The following NRL variants were observed in gnomAD, a reference collection of about 807,000 sequenced individuals.
NRL encodes neural retina-specific leucine zipper protein.
Under a neutral mutation model 12.5 loss-of-function variants are expected in NRL, and 16 were observed. The observed-to-expected ratio is 1.28, with a 90% CI of 0.87 to 1.95. The LOEUF is 1.95. Among genes scored for constraint, NRL ranks in the 30% most tolerant of loss-of-function variants. NRL has a pLI of 0.00. For missense variants in NRL, 314 were observed against 325.8 expected, an observed-to-expected ratio of 0.96 and a Z score of 0.28; for synonymous variants, 142 against 150.9, an observed-to-expected ratio of 0.94 and a Z score of 0.43.
intron 1 of NRL, among the ~76,000 whole-genome samples, chr14:24,087,183 C>T (rs970974847): frequency 2.6e-5 from 4 of 152,070 alleles, no homozygotes; most frequent in Admixed American, 2.0e-4. Flanking sequence ...GATGTAGGCA[C>T]ATGGACGAGA....
Position 24,100,040 on chromosome 14 carries a change from C to T in NRL, c.-28+14682G>A, listed in dbSNP as rs200733907. The T allele has an allele frequency of 1.6e-5, 26 of 1,613,770 alleles. No homozygotes were observed. In the African/African-American group the frequency reaches 2.5e-4, roughly 16 times the overall value. On this transcript the variant is annotated intron_variant, in intron 1 of 2. Coordinates refer to ENST00000561028, the MANE Select transcript of NRL (RefSeq NM_001354768.3). ...CCTGAGAACGGCTTCTTTGGGGTTG[C>T]CCCTGGTACCTCTGCCACCACCAAT... is the stretch of plus-strand genomic sequence containing the variant.
intron 1 of NRL, chr14:24,098,407 A>G: frequency 1.2e-6 from 2 of 1,610,832 alleles, no homozygotes; most frequent in South Asian, 1.1e-5. Context: ...GCAGGGGCAC[A>G]GTGGCAAGGG....
chr14:24,094,563 G>A lies in NRL; in HGVS notation c.-27-11688C>T, dbSNP rs192834226. 8 of 1,440,634 alleles carry A rather than the reference G, an allele frequency of 5.6e-6. No individual in the cohort carries two copies. Among genetic ancestry groups the A allele is most frequent in the African/African-American group, 4.3e-5 (3 of 69,686 alleles). 89.2% of individuals were successfully genotyped at this position (1,440,634 alleles called of 1,614,324 possible). ...ATCCTAGGCGGAGGCGGGCAGGGGC[G>A]ACTGCTGTGGGTCCAGCCTCCCGCG... On this transcript the variant is annotated intron_variant, in intron 1 of 2. Coordinates refer to ENST00000561028, the MANE Select transcript of NRL (RefSeq NM_001354768.3). The surrounding 1 kb of genome is among the most constrained non-coding windows in gnomAD (Gnocchi z 4.1).
intron 1 of NRL, chr14:24,099,230 C>T: frequency 6.3e-7 from 1 of 1,593,082 alleles, no homozygotes; most frequent in Non-Finnish European, 8.5e-7. Context: ...TGGCAGAGCA[C>T]ATGCTGGTGA....
In NRL at chr14:24,079,278, T is replaced by G. The variant is rs2036207004; in HGVS notation, c.*1958A>C. ...TGAGAAAAGTGAACAAGAAAAGTAG[T>G]GGGTCTGAATTACAGCTCCAGGGCA... On this transcript the variant is annotated 3_prime_UTR_variant, in exon 3 of 3. Transcript: ENST00000561028. 6.6e-6 allele frequency among the ~76,000 whole-genome samples: 1 copy of G among 152,194 alleles called. No homozygotes were observed.
chr14:24,094,664 C>G lies in NRL; in HGVS notation c.-27-11789G>C. 6.6e-7 allele frequency: 1 copy of G among 1,512,200 alleles called. No individual in the cohort carries two copies. The highest frequency in any genetic ancestry group is 8.8e-7 in the Non-Finnish European group (1 of 1,132,748). The allele number at this position is 1,512,200 out of a possible 1,614,324, so 93.7% of individuals were successfully genotyped here. On this transcript the variant is annotated intron_variant, in intron 1 of 2. Transcript: ENST00000561028. This position sits in a 1 kb window ranked among gnomAD's most constrained non-coding sequence, Gnocchi z 4.1. ...CACCTCCCCTTCTCTGCCTCGCTCG[C>G]CTCTGACCGCGCGATCTCTATCTGC...
At chr14:24,097,179 G>A in intron 1 of NRL, 1 of 1,595,770 alleles carries the variant, frequency 6.3e-7, no homozygotes, top group Non-Finnish European at 8.6e-7. Flanking sequence ...GGTGCACTGA[G>A]GCCACTTTGG....
rs2036204336 is a variant in NRL at position 24,079,169 on chromosome 14, C to G, written c.*2067G>C. On this transcript the variant is annotated 3_prime_UTR_variant, in exon 3 of 3. Coordinates refer to ENST00000561028, the MANE Select transcript of NRL (RefSeq NM_001354768.3). ...GTAACCCAGGAGTATCATTTTGAGA[C>G]CCAGGTATGGTACTGTATATGTGGC... Among the ~76,000 whole-genome samples, 1 of 152,018 alleles carries G rather than the reference C, an allele frequency of 6.6e-6. No homozygotes were observed. The highest frequency in any genetic ancestry group is 1.5e-5 in the Non-Finnish European group (1 of 68,006).
chr14:24,099,480 C>G, intron 1 of NRL: 1 of 1,363,216 alleles, frequency 7.3e-7, no homozygotes, highest in South Asian at 1.4e-5. Flanking sequence ...CTATTAGACC[C>G]TAGCTGCCCT....
chr14:24,106,729 A>C (rs1594319137), intron 1 of NRL, among the ~76,000 whole-genome samples: 3 of 138,834 alleles, frequency 2.2e-5, no homozygotes, highest in African/African-American at 8.8e-5. Flanking sequence ...TCAAAAAAAA[A>C]ATAAATAAAT....
chr14:24,104,627 C>T (rs55785827), intron 1 of NRL, among the ~76,000 whole-genome samples: 147 of 142,728 alleles, frequency 1.0e-3, no homozygotes, highest in Non-Finnish European at 1.6e-3. Context: ...GGCAACAGAG[C>T]GAAACTCCGT....
At chr14:24,104,929 C>A (rs1277786613) in intron 1 of NRL, among the ~76,000 whole-genome samples, 1 of 152,188 alleles carries the variant, frequency 6.6e-6, no homozygotes. Context: ...CTGAGACCAG[C>A]TCTGTCAAGG....
At chr14:24,097,628 C>A (rs2036953343) in intron 1 of NRL, among the ~76,000 whole-genome samples, 1 of 150,854 alleles carries the variant, frequency 6.6e-6, no homozygotes, top group Non-Finnish European at 1.5e-5. Context: ...CACTGTATCA[C>A]CCAGGCTGGA....
Position 24,079,754 on chromosome 14 carries a change from C to T in NRL, c.*1482G>A, listed in dbSNP as rs575169334. On this transcript the variant is annotated 3_prime_UTR_variant, in exon 3 of 3. Transcript: ENST00000561028. Reference sequence around the variant, plus strand: ...CGGTAGAGGACAGATGACAGTAACTCGTGAGGCGGCTGCTCCCAGCACAAC... The same window carrying T: ...CGGTAGAGGACAGATGACAGTAACTTGTGAGGCGGCTGCTCCCAGCACAAC... 2.0e-5 allele frequency among the ~76,000 whole-genome samples: 3 copies of T among 152,326 alleles called. No individual in the cohort carries two copies. Among genetic ancestry groups the T allele is most frequent in the Non-Finnish European group, 2.9e-5 (2 of 68,034 alleles).
intron 1 of NRL, chr14:24,103,105 G>T: frequency 7.1e-7 from 1 of 1,410,902 alleles, no homozygotes; most frequent in Non-Finnish European, 1.0e-6. Flanking sequence ...CAGAAGGGCT[G>T]GAGTTAGGGT....
At chr14:24,097,098 A>G in intron 1 of NRL, 1 of 1,614,044 alleles carries the variant, frequency 6.2e-7, no homozygotes, top group Middle Eastern at 1.7e-4. Context: ...CTGCTGGAGC[A>G]GCAGGGCCTC....
intron 1 of NRL, chr14:24,099,306 C>T (rs2037054657): frequency 1.4e-6 from 2 of 1,418,232 alleles, no homozygotes; most frequent in Non-Finnish European, 1.9e-6. Context: ...CAGTCTGCCT[C>T]AGCCTCACCT....
In NRL at chr14:24,080,891, TA is replaced by T; in HGVS notation, c.*344del. On this transcript the variant is annotated 3_prime_UTR_variant, in exon 3 of 3. Transcript: ENST00000561028. Reference sequence around the variant, plus strand: ...AGGTTGAAAACCCTGAATTAAAAACTAAACTGAGGTGGGAGCTGCAACCCTC... The same window carrying T: ...AGGTTGAAAACCCTGAATTAAAAACTAACTGAGGTGGGAGCTGCAACCCTC... 1 of 251,560 alleles carries T rather than the reference TA, an allele frequency of 4.0e-6. No homozygotes were observed. The highest frequency in any genetic ancestry group is 1.2e-3 in the Middle Eastern group (1 of 836). 15.6% of individuals were successfully genotyped at this position (251,560 alleles called of 1,614,324 possible).
chr14:24,095,463 A>C (rs2036826814), intron 1 of NRL: 1 of 338,664 alleles, frequency 3.0e-6, no homozygotes, highest in Non-Finnish European at 5.9e-6. Flanking sequence ...CTTCTACCCC[A>C]GACAGACTCA....
Sources: allele counts gnomAD v4.1 joint callset (sites outside exome capture counted in the v4.1 genomes callset), GRCh38; gene constraint gnomAD v4.1.1; non-coding constraint Gnocchi (gnomAD v3.1); transcripts MANE v1.5; gene names NCBI Gene and HGNC (gene_info 2026-07-23, HGNC 2026-07-21).